RYR3: variants seen among roughly 807,000 people sequenced by gnomAD.
RYR3 encodes ryanodine receptor 3, also known as brain ryanodine receptor-calcium release channel.
Under a neutral mutation model 584.3 loss-of-function variants are expected in RYR3, and 207 were observed. The observed-to-expected ratio is 0.35, with a 90% CI of 0.32 to 0.40. The LOEUF is 0.40. RYR3 is among the 10% of genes least tolerant of loss of function. The pLI is 1.00. For missense variants in RYR3, 5,616 were observed against 6,089.2 expected (o/e 0.92, Z 2.59); for synonymous variants, 2,416 against 2,248.5 (o/e 1.07, Z -2.11).
chr15:33,453,654 A>G (rs1250205726), intron 1 of RYR3, among the ~76,000 whole-genome samples: 1 of 152,194 alleles, frequency 6.6e-6, no homozygotes, highest in East Asian at 1.9e-4. Context: ...TACTTGGAAA[A>G]TATGCATGTG....
intron 78 of RYR3, 58 bp downstream of exon 78, chr15:33,820,870 T>G: frequency 7.5e-7 from 1 of 1,335,096 alleles, no homozygotes; most frequent in African/African-American, 1.4e-5. Context: ...AGGCCAGGCC[T>G]TCAGAGGTGG....
rs770077165 is a variant in RYR3 at position 33,853,667 on chromosome 15, C to G, written c.13784C>G (p.Ala4595Gly). 3.7e-6 allele frequency: 6 copies of G among 1,613,662 alleles called. No homozygotes were observed. In the Admixed American group the frequency reaches 1.0e-4, roughly 27 times the overall value. Reference protein sequence around the residue: ...SPVEETKAEAASLVSWLSSID... With the variant: ...SPVEETKAEAGSLVSWLSSID... ...GTAGAAGAGACCAAAGCAGAAGCGG[C>G]TTCTCTGGTGTCATGGTACAAAAAG... The change falls in exon 96 of 104, where the codon GCT becomes GGT. Residue 4595 changes from alanine (A) to glycine (G), a missense_variant. This residue lies in a region of RYR3 where 918 missense variants were observed against 887.4 expected (regional missense o/e 1.03). Coordinates refer to ENST00000634891, the MANE Select transcript of RYR3 (RefSeq NM_001036.6).
intron 38 of RYR3, among the ~76,000 whole-genome samples, chr15:33,695,911 A>T (rs1482855154): frequency 6.9e-6 from 1 of 144,790 alleles, no homozygotes; most frequent in African/African-American, 2.5e-5. Context: ...TCAGCCTCCC[A>T]AGCAGCTGAC....
intron 5 of RYR3, among the ~76,000 whole-genome samples, chr15:33,534,273 C>T (rs1047181775): frequency 3.3e-5 from 5 of 152,170 alleles, no homozygotes; most frequent in African/African-American, 9.6e-5. Flanking sequence ...TGGTGGCAGG[C>T]GCCTGTAATC....
intron 38 of RYR3, among the ~76,000 whole-genome samples, chr15:33,683,011 T>C (rs541509186): frequency 6.6e-6 from 1 of 152,202 alleles, no homozygotes; most frequent in East Asian, 1.9e-4. Context: ...CTTTTTTTTT[T>C]TGAGATGGAG....
intron 21 of RYR3, among the ~76,000 whole-genome samples, chr15:33,629,609 A>C (rs1393636655): frequency 6.6e-6 from 1 of 152,240 alleles, no homozygotes; most frequent in African/African-American, 2.4e-5. Context: ...ATGCTGAAGA[A>C]TGTTCCTCTT....
In RYR3 at chr15:33,612,855, C is replaced by G. The variant is rs560764878; in HGVS notation, c.2165-328C>G. Among the ~76,000 whole-genome samples, 189 of 152,334 alleles carry G rather than the reference C, an allele frequency of 1.2e-3. 1 individual carries two copies. The highest frequency in any genetic ancestry group is 1.6e-3 in the Non-Finnish European group (108 of 68,020). On this transcript the variant is annotated intron_variant, in intron 18 of 103. Coordinates refer to ENST00000634891, the MANE Select transcript of RYR3 (RefSeq NM_001036.6). The stretch of plus-strand genomic sequence containing the variant: ...ACCAGCAAAAGCAGTCTGTCTGTTA[C>G]TTCAGACACCAGGCCACAGTCTGAA...
chr15:33,425,701 C>G (rs2596222), intron 1 of RYR3, among the ~76,000 whole-genome samples: 104,538 of 147,700 alleles, frequency 0.71, 38,165 homozygotes, highest in African/African-American at 0.91. Flanking sequence ...GAGTGAATTG[C>G]CGTGATCTTG....
intron 18 of RYR3, among the ~76,000 whole-genome samples, chr15:33,604,974 T>C (rs1008330728): frequency 1.3e-5 from 2 of 152,134 alleles, no homozygotes; most frequent in Non-Finnish European, 2.9e-5. Flanking sequence ...CTGCTGCCTA[T>C]CTCCCACCAA....
chr15:33,761,554 G>A lies in RYR3; in HGVS notation c.8705+3958G>A, dbSNP rs192036326. ...ATACACCCTCCCAAGACTAAACCAGGAAGAAGTCGAATCCCTGAATAGACC... is the reference window on the plus strand; with the variant it reads ...ATACACCCTCCCAAGACTAAACCAGAAAGAAGTCGAATCCCTGAATAGACC... On this transcript the variant is annotated intron_variant, in intron 60 of 103. Transcript: ENST00000634891. Among the ~76,000 whole-genome samples, 397 of 152,254 alleles carry A rather than the reference G, an allele frequency of 2.6e-3. 2 individuals are homozygous for A. Among genetic ancestry groups the A allele is most frequent in the African/African-American group, 9.3e-3 (385 of 41,546 alleles).
intron 18 of RYR3, among the ~76,000 whole-genome samples, chr15:33,608,536 C>G (rs1034202461): frequency 6.6e-6 from 1 of 152,190 alleles, no homozygotes; most frequent in African/African-American, 2.4e-5. Context: ...CGTCAGATGA[C>G]CTTTTACAGT....
Position 33,699,798 on chromosome 15 carries a change from T to A in RYR3, c.6344T>A (p.Leu2115Gln). 6.2e-7 allele frequency: 1 copy of A among 1,613,696 alleles called. No homozygotes were observed. The highest frequency in any genetic ancestry group is 8.5e-7 in the Non-Finnish European group (1 of 1,179,632). ...RQNQKAMFEH[L>Q]SYLLENSSVG... ...AATCAGAAGGCCATGTTTGAGCATCTGAGTTATCTTCTGGAGAATAGCAGT... is the reference window on the plus strand; with the variant it reads ...AATCAGAAGGCCATGTTTGAGCATCAGAGTTATCTTCTGGAGAATAGCAGT... Residue 2115 changes from leucine to glutamine, a missense_variant, in exon 41 of 104, where the codon CTG becomes CAG. By Grantham distance (113) the Leu-to-Gln change is moderately radical (BLOSUM62 -2). Transcript: ENST00000634891.
At chr15:33,445,677 A>ACC (rs2046589279) in intron 1 of RYR3, among the ~76,000 whole-genome samples, 1 of 142,278 alleles carries the variant, frequency 7.0e-6, no homozygotes, top group East Asian at 2.0e-4. Flanking sequence ...ACACACACAC[A>ACC]CACACACACA....
Position 33,738,588 on chromosome 15 carries a change from A to G in RYR3, c.7654A>G (p.Lys2552Glu). ...FWGIFDSLSH[K>E]KYDPDLFRMA... Reference sequence around the variant, plus strand: ...GGGGATTTTTGACTCGCTCTCCCATAAGGTAATGACAGTACTTTCTGAACA... The same window carrying G: ...GGGGATTTTTGACTCGCTCTCCCATGAGGTAATGACAGTACTTTCTGAACA... Residue 2552 changes from lysine to glutamate, a missense_variant and splice_region_variant, in exon 50 of 104, where the codon AAG becomes GAG. Physicochemically the swap from Lys to Glu is moderately conservative, Grantham distance 56. Transcript: ENST00000634891. 2 of 1,613,956 alleles carry G rather than the reference A, an allele frequency of 1.2e-6. No homozygotes were observed. Among genetic ancestry groups the G allele is most frequent in the South Asian group, 2.2e-5 (2 of 91,074 alleles).
At chr15:33,694,203 A>G (rs148998628) in intron 38 of RYR3, among the ~76,000 whole-genome samples, 10 of 147,778 alleles carry the variant, frequency 6.8e-5, no homozygotes, top group Non-Finnish European at 9.0e-5. Context: ...GCTCTCATTT[A>G]CTATTCATTT....
chr15:33,679,131 A>G (rs1490608683), intron 38 of RYR3, among the ~76,000 whole-genome samples: 1 of 152,160 alleles, frequency 6.6e-6, no homozygotes, highest in Admixed American at 6.5e-5. Context: ...TAGGGCACAG[A>G]CCACAGAGGG....
At chr15:33,738,280 C>T (rs2069707199) in intron 49 of RYR3, among the ~76,000 whole-genome samples, 170 bp from the exon 50 acceptor site, 1 of 152,092 alleles carries the variant, frequency 6.6e-6, no homozygotes. Context: ...AGCTTGAGAG[C>T]AGACTGTTCC....
In RYR3 at chr15:33,372,059, C is replaced by G. The variant is rs558026934; in HGVS notation, c.51+60963C>G. 1.2e-3 allele frequency among the ~76,000 whole-genome samples: 176 copies of G among 152,346 alleles called. 1 individual carries two copies. Among genetic ancestry groups the G allele is most frequent in the African/African-American group, 4.1e-3 (172 of 41,574 alleles). On this transcript the variant is annotated intron_variant, in intron 1 of 103. Transcript: ENST00000634891. ...ATAACAGCTTCCACTTGTTGATGCT[C>G]TGTGTGCTAGGTATTGTGCTGACTA...
At chr15:33,453,377 T>C (rs929054720) in intron 1 of RYR3, among the ~76,000 whole-genome samples, 7 of 152,206 alleles carry the variant, frequency 4.6e-5, no homozygotes, top group African/African-American at 1.7e-4. Context: ...TGGGGACTTT[T>C]GTGTATTCTA....
Sources: gnomAD v4.1 joint callset for allele counts (sites outside exome capture counted in the v4.1 genomes callset) on GRCh38, gnomAD v4.1.1 for gene constraint, gnomAD v4.1.1 regional missense constraint, MANE v1.5 for transcripts, NCBI Gene and HGNC (gene_info 2026-07-23, HGNC 2026-07-21) for gene names.